Variants in ATG13 observed in about 807,000 individuals in gnomAD.
ATG13 encodes the protein autophagy related 13, also known as autophagy-related protein 13.
In ATG13, 23 loss-of-function variants were observed where a neutral mutation model predicts 65.5. The ratio of observed to expected loss-of-function variants is 0.35; its 90% CI spans 0.25 to 0.50. The LOEUF (loss-of-function observed/expected upper bound fraction) is 0.50. Ranked by LOEUF, ATG13 falls within the 20% of genes least tolerant of loss-of-function variation. The pLI, the probability that ATG13 is intolerant of heterozygous loss-of-function variation, is 0.98. For synonymous variants in ATG13, 252 were observed against 245.2 expected, an observed-to-expected ratio of 1.03 and a Z score of -0.26; for missense variants, 566 against 677.0, an observed-to-expected ratio of 0.84 and a Z score of 1.82.
At chr11:46,663,873 C>T in intron 11 of ATG13, 124 bp from the exon 12 acceptor site, 1 of 666,782 alleles carries the variant, frequency 1.5e-6, no homozygotes, top group East Asian at 2.7e-5. Flanking sequence ...ACTCCTGACT[C>T]CAGTGTCAGT....
chr11:46,655,057 C>A (rs1046466061), intron 7 of ATG13, among the ~76,000 whole-genome samples: 2 of 151,800 alleles, frequency 1.3e-5, no homozygotes, highest in African/African-American at 4.8e-5. Context: ...CAAGATGGTG[C>A]CATTGCACTC....
chr11:46,630,585 T>TTTTTA (rs2051338108), intron 2 of ATG13, among the ~76,000 whole-genome samples: 1 of 150,450 alleles, frequency 6.6e-6, no homozygotes, highest in African/African-American at 2.5e-5. Flanking sequence ...TTTTTTTTTT[T>TTTTTA]GAGACAGGGT....
chr11:46,638,611 G>C (rs2054809519), intron 2 of ATG13: 1 of 151,928 alleles, frequency 6.6e-6, no homozygotes, highest in Non-Finnish European at 1.5e-5. Context: ...CCATCCTCTG[G>C]TAACTCCTAT....
At chr11:46,642,408 C>T (rs894923784) in intron 2 of ATG13, among the ~76,000 whole-genome samples, 1 of 146,144 alleles carries the variant, frequency 6.8e-6, no homozygotes, top group African/African-American at 2.5e-5. Context: ...TGGGTTCAAG[C>T]AATTCTCTTG....
chr11:46,662,993 C>T (rs946120944), intron 11 of ATG13, among the ~76,000 whole-genome samples: 16 of 152,068 alleles, frequency 1.1e-4, no homozygotes, highest in African/African-American at 2.7e-4. Flanking sequence ...AGTCCAGGCG[C>T]GGTGGCTCAC....
At position 46,620,635 on chromosome 11, in the gene ATG13, C is replaced by T. The variant is rs867493599; in HGVS notation, c.-70+2745C>T. Among the ~76,000 whole-genome samples, 7 of 151,772 alleles carry T rather than the reference C, an allele frequency of 4.6e-5. No homozygotes were observed. In the South Asian group the frequency reaches 1.3e-3, roughly 27 times the overall value. ...TACCAAAAATACAAAAATACCTGGG[C>T]GTGGTGGCGCATGTCTGTAATCCCA... On this transcript the variant is annotated intron_variant, in intron 1 of 18. Transcript: ENST00000683050.
chr11:46,667,763 T>C lies in ATG13; in HGVS notation c.1137-10T>C. On this transcript the variant is annotated splice_polypyrimidine_tract_variant and intron_variant, in intron 14 of 18. Transcript: ENST00000683050. ...TGAGAACGAGTACTAACTTCACCTT[T>C]CTCCTCCAGTGAGGATACTGAAACC... is the stretch of plus-strand genomic sequence containing the variant. 6.3e-7 allele frequency: 1 copy of C among 1,586,822 alleles called. No individual in the cohort carries two copies. The highest frequency in any genetic ancestry group is 1.1e-5 in the South Asian group (1 of 90,242).
rs1051568878 is a variant in ATG13 at position 46,674,115 on chromosome 11, A to T, written c.*1783A>T. ...TTTGAGAAGGGGGAAGGCCCCTGGT[A>T]AGTTATTGATGCCCCCATATTTCAG... On this transcript the variant is annotated 3_prime_UTR_variant, in exon 19 of 19. Transcript: ENST00000683050. The T allele has an allele frequency of 2.0e-5, 3 of 152,250 alleles. No individual in the cohort carries two copies. Among genetic ancestry groups the T allele is most frequent in the Non-Finnish European group, 4.4e-5 (3 of 68,108 alleles). 9.4% of individuals were successfully genotyped at this position (152,250 alleles called of 1,614,324 possible).
chr11:46,665,349 A>G (rs759981047), intron 13 of ATG13, 34 bp from the exon 14 acceptor site: 29 of 1,603,632 alleles, frequency 1.8e-5, no homozygotes, highest in Middle Eastern at 3.3e-4. Context: ...CTGGCATGCC[A>G]TGATTCACTG....
intron 2 of ATG13, among the ~76,000 whole-genome samples, chr11:46,642,461 A>G (rs1223032145): frequency 6.6e-6 from 1 of 151,614 alleles, no homozygotes. Context: ...GTGTGCCACC[A>G]CACCCAGCTA....
At chr11:46,659,514 G>A (rs1489082153) in intron 11 of ATG13, 29 bp downstream of exon 11, 1 of 1,559,042 alleles carries the variant, frequency 6.4e-7, no homozygotes, top group South Asian at 1.1e-5. Flanking sequence ...TGGGGTGGTG[G>A]TAGTTATTTG....
At chr11:46,622,941 A>G (rs898249579) in intron 1 of ATG13, among the ~76,000 whole-genome samples, 4 of 152,134 alleles carry the variant, frequency 2.6e-5, no homozygotes, top group African/African-American at 4.8e-5. Context: ...TTCTAAGGCA[A>G]GGATATGCTG....
At chr11:46,658,939 T>C (rs953463107) in intron 10 of ATG13, among the ~76,000 whole-genome samples, 8 of 152,188 alleles carry the variant, frequency 5.3e-5, no homozygotes, top group African/African-American at 1.9e-4. Flanking sequence ...CCTGTAATCC[T>C]AGCACTTTGG....
Position 46,650,252 on chromosome 11 carries a change from A to C in ATG13, c.393A>C (p.Ile131=). The C allele has an allele frequency of 1.9e-6, 3 of 1,614,074 alleles. No individual in the cohort carries two copies. Among genetic ancestry groups the C allele is most frequent in the Non-Finnish European group, 2.5e-6 (3 of 1,179,996 alleles). Residue 131 remains isoleucine (I), a synonymous_variant, in exon 7 of 19, where the codon ATA becomes ATC. Coordinates refer to ENST00000683050, the MANE Select transcript of ATG13 (RefSeq NM_001346311.2). ...TGCTGCTGAAGTCCCTTCTTGCTAT[A>C]ACTAGGGTGACACCAGCCTATAGGC... The part of the protein sequence containing the change: ...LSLLLKSLLA[I]TRVTPAYRLS...
intron 2 of ATG13, among the ~76,000 whole-genome samples, chr11:46,633,666 C>T (rs562999233): frequency 5.6e-4 from 85 of 152,094 alleles, no homozygotes; most frequent in African/African-American, 1.9e-3. Flanking sequence ...TTTTAATTAG[C>T]TGCACATGGT....
intron 1 of ATG13, among the ~76,000 whole-genome samples, chr11:46,620,026 CAAA>C (rs760281512): frequency 1.1e-4 from 11 of 100,992 alleles, no homozygotes; most frequent in Non-Finnish European, 1.3e-4. Flanking sequence ...CCCTCTGTCT[CAAA>C]AAAAAAAAAA....
intron 11 of ATG13, among the ~76,000 whole-genome samples, chr11:46,663,733 A>G (rs2061657989): frequency 6.6e-6 from 1 of 152,080 alleles, no homozygotes; most frequent in Non-Finnish European, 1.5e-5. Flanking sequence ...TAGCCAGCTC[A>G]CCTCAGCTTT....
At chr11:46,670,144 G>A (rs1011834582) in intron 18 of ATG13, among the ~76,000 whole-genome samples, 2 of 152,158 alleles carry the variant, frequency 1.3e-5, no homozygotes, top group Admixed American at 6.5e-5. Context: ...TCCTATGGTA[G>A]CTGCCCTGGA....
At chr11:46,646,108 C>T (rs2057457301) in intron 5 of ATG13, 119 bp downstream of exon 5, 41 of 1,330,568 alleles carry the variant, frequency 3.1e-5, no homozygotes, top group Non-Finnish European at 4.1e-5. Context: ...TTATCATTCT[C>T]TGAGGGGGTC....
Sources: gnomAD v4.1 joint callset for allele counts (sites outside exome capture counted in the v4.1 genomes callset) on GRCh38, gnomAD v4.1.1 for gene constraint, MANE v1.5 for transcripts, NCBI Gene and HGNC (gene_info 2026-07-23, HGNC 2026-07-21) for gene names.